The following ROBO2 variants were observed in gnomAD, a reference collection of about 807,000 sequenced individuals.
The protein encoded by ROBO2 is roundabout homolog 2.
Under a neutral mutation model 160.8 loss-of-function variants are expected in ROBO2, and 53 were observed. That is an observed-to-expected ratio of 0.33 (90% CI 0.26 to 0.41). The LOEUF (loss-of-function observed/expected upper bound fraction) is 0.41. Ranked by LOEUF, ROBO2 falls within the 10% of genes least tolerant of loss-of-function variation. The pLI, the probability that ROBO2 is intolerant of heterozygous loss-of-function variation, is 1.00. For missense variants in ROBO2, 1,577 were observed against 1,722.4 expected (o/e 0.92, Z 1.49); for synonymous variants, 664 against 611.7 (o/e 1.09, Z -1.26).
intron 2 of ROBO2, among the ~76,000 whole-genome samples, chr3:76,948,726 A>T (rs1398824229): frequency 7.2e-6 from 1 of 138,710 alleles, no homozygotes; most frequent in African/African-American, 2.7e-5. Flanking sequence ...TTTTTTTTTG[A>T]GATGGAGTCT....
chr3:76,574,857 T>C (rs2085188630), intron 2 of ROBO2, among the ~76,000 whole-genome samples: 1 of 152,244 alleles, frequency 6.6e-6, no homozygotes, highest in African/African-American at 2.4e-5. Flanking sequence ...CCAGTGCTGC[T>C]GGTCCATGGA....
At chr3:77,076,461 G>A (rs2068016653) in intron 1 of ROBO2, among the ~76,000 whole-genome samples, 1 of 151,850 alleles carries the variant, frequency 6.6e-6, no homozygotes, top group African/African-American at 2.4e-5. Flanking sequence ...GTGTTTTTAA[G>A]CGATATTCTA....
chr3:76,568,444 C>A (rs1452134102), intron 2 of ROBO2, among the ~76,000 whole-genome samples: 1 of 149,096 alleles, frequency 6.7e-6, no homozygotes, highest in African/African-American at 2.5e-5. Context: ...ACCACAGGCG[C>A]TGCCACCACG....
chr3:76,034,390 A>G (rs1223665237), intron 2 of ROBO2, among the ~76,000 whole-genome samples: 3 of 152,156 alleles, frequency 2.0e-5, no homozygotes, highest in Admixed American at 6.5e-5. Flanking sequence ...TATTTCTATT[A>G]TATTTTTCTC....
chr3:76,946,981 ATATT>A (rs2149144602), intron 2 of ROBO2, among the ~76,000 whole-genome samples: 1 of 152,204 alleles, frequency 6.6e-6, no homozygotes, highest in Non-Finnish European at 1.5e-5. Flanking sequence ...ATTCTTGTGT[ATATT>A]TAGTCTAACG....
chr3:77,338,945 C>A (rs1473799263), intron 2 of ROBO2, among the ~76,000 whole-genome samples: 1 of 151,940 alleles, frequency 6.6e-6, no homozygotes, highest in Non-Finnish European at 1.5e-5. Flanking sequence ...ATAGAAACAG[C>A]CCTAGAGGTG....
intron 2 of ROBO2, among the ~76,000 whole-genome samples, chr3:77,034,844 G>T (rs1475550806): frequency 6.6e-6 from 1 of 151,906 alleles, no homozygotes; most frequent in East Asian, 1.9e-4. Context: ...CGGAGCAGAT[G>T]GACTTGGAAT....
At chr3:76,699,349 G>T (rs537509198) in intron 2 of ROBO2, among the ~76,000 whole-genome samples, 2 of 152,116 alleles carry the variant, frequency 1.3e-5, no homozygotes, top group Non-Finnish European at 2.9e-5. Flanking sequence ...CTTTTCTAGC[G>T]ACTTAGTTTA....
chr3:77,079,051 C>G (rs1231893154), intron 1 of ROBO2, among the ~76,000 whole-genome samples: 1 of 152,088 alleles, frequency 6.6e-6, no homozygotes, highest in Non-Finnish European at 1.5e-5. Context: ...CTCCTGAAGG[C>G]TTCTCCCGCC....
At chr3:76,214,014 A>AGCAAGGCTGGGGGAAGGGCGT in intron 2 of ROBO2, among the ~76,000 whole-genome samples, 2 of 152,130 alleles carry the variant, frequency 1.3e-5, no homozygotes, top group African/African-American at 2.4e-5. Flanking sequence ...TTCCAGAAGC[A>AGCAAGGCTGGGGGAAGGGCGT]CCCTCACAGA....
intron 2 of ROBO2, among the ~76,000 whole-genome samples, chr3:76,159,204 C>T (rs1231046575): frequency 1.3e-5 from 2 of 152,022 alleles, no homozygotes; most frequent in African/African-American, 4.8e-5. Flanking sequence ...GTCATAATGC[C>T]GTTTAACTGT....
chr3:77,605,321 A>G (rs955568275), intron 20 of ROBO2, among the ~76,000 whole-genome samples: 7 of 152,080 alleles, frequency 4.6e-5, no homozygotes, highest in South Asian at 2.1e-4. Flanking sequence ...CTTTGTTTGC[A>G]AGTAACAGCA....
intron 2 of ROBO2, among the ~76,000 whole-genome samples, chr3:76,818,072 C>T (rs1189880940): frequency 6.6e-6 from 1 of 151,982 alleles, no homozygotes; most frequent in East Asian, 1.9e-4. Flanking sequence ...TAAGGAATCT[C>T]CACACTGTTT....
At chr3:77,382,481 C>T (rs565359881) in intron 2 of ROBO2, among the ~76,000 whole-genome samples, 7 of 151,318 alleles carry the variant, frequency 4.6e-5, no homozygotes, top group East Asian at 3.9e-4. Flanking sequence ...AATTGTGTAG[C>T]GGCGAATCCT....
chr3:77,512,424 G>A (rs1396552872), intron 5 of ROBO2, among the ~76,000 whole-genome samples: 1 of 151,952 alleles, frequency 6.6e-6, no homozygotes, highest in Non-Finnish European at 1.5e-5. Flanking sequence ...ATAGAAGCGT[G>A]CCTTGAATAA....
intron 2 of ROBO2, among the ~76,000 whole-genome samples, chr3:77,379,295 C>A (rs12494826): frequency 6.6e-6 from 1 of 152,052 alleles, no homozygotes; most frequent in Admixed American, 6.6e-5. Context: ...CCAATACATG[C>A]ATGCCTTTTG....
chr3:76,048,623 A>G (rs906843854), intron 2 of ROBO2, among the ~76,000 whole-genome samples: 2 of 152,194 alleles, frequency 1.3e-5, no homozygotes, highest in African/African-American at 2.4e-5. Flanking sequence ...TAAAAAAACA[A>G]TATGGAATTA....
At chr3:76,894,002 CCTAA>C (rs2074566398) in intron 2 of ROBO2, among the ~76,000 whole-genome samples, 1 of 151,930 alleles carries the variant, frequency 6.6e-6, no homozygotes, top group Non-Finnish European at 1.5e-5. Context: ...GACGATTTTG[CCTAA>C]CTGATATGGA....
intron 14 of ROBO2, 114 bp downstream of exon 15, chr3:77,574,844 A>G: frequency 1.3e-6 from 1 of 795,174 alleles, no homozygotes; most frequent in Admixed American, 2.2e-5. Context: ...AAGTAAATTG[A>G]GGAAGTGTCG....
Sources: gnomAD v4.1 joint callset for allele counts (sites outside exome capture counted in the v4.1 genomes callset) on GRCh38, gnomAD v4.1.1 for gene constraint, MANE v1.5 for transcripts, NCBI Gene and HGNC (gene_info 2026-07-23, HGNC 2026-07-21) for gene names.